The following STIMATE variants were observed in gnomAD, a reference collection of about 807,000 sequenced individuals.
STIMATE encodes STIM activating enhancer.
Under a neutral mutation model 36.7 loss-of-function variants are expected in STIMATE, and 15 were observed. The ratio of observed to expected loss-of-function variants is 0.41; its 90% CI spans 0.27 to 0.63. The LOEUF (loss-of-function observed/expected upper bound fraction) is 0.63. STIMATE is among the 20% of genes least tolerant of loss of function. The pLI is 0.32. For synonymous variants in STIMATE, 163 were observed against 162.3 expected, an observed-to-expected ratio of 1.00 and a Z score of -0.03; for missense variants, 305 against 397.3, an observed-to-expected ratio of 0.77 and a Z score of 1.98.
At chr3:52,891,918 A>G (rs1701788546) in intron 1 of STIMATE, among the ~76,000 whole-genome samples, 1 of 152,062 alleles carries the variant, frequency 6.6e-6, no homozygotes, top group African/African-American at 2.4e-5. Flanking sequence ...ATTCTTTCTC[A>G]TCTCCATAGC....
chr3:52,842,285 A>G (rs1294940651), intron 7 of STIMATE, among the ~76,000 whole-genome samples: 2 of 152,148 alleles, frequency 1.3e-5, no homozygotes, highest in African/African-American at 2.4e-5. Context: ...GCTGCTATTC[A>G]TGGCCACCGT....
intron 1 of STIMATE, among the ~76,000 whole-genome samples, chr3:52,871,096 C>T (rs1378678432): frequency 2.0e-5 from 3 of 152,204 alleles, no homozygotes; most frequent in Middle Eastern, 3.4e-3. Context: ...AATCAAGTAC[C>T]GCCACCTCCT....
chr3:52,843,611 G>A (rs946579316), intron 6 of STIMATE, 110 bp downstream of exon 6: 7 of 1,471,564 alleles, frequency 4.8e-6, no homozygotes, highest in African/African-American at 3.2e-5. Context: ...AAATGGTCAC[G>A]CAAAAAGACC....
chr3:52,844,827 A>G lies in STIMATE; in HGVS notation c.540+2T>C. ...AGCTGCTCATGCAGGGACGAAGCAAACCTTTTTCCACTGAAGTATTAGGAG... is the reference window on the plus strand; with the variant it reads ...AGCTGCTCATGCAGGGACGAAGCAAGCCTTTTTCCACTGAAGTATTAGGAG... On this transcript the variant is annotated splice_donor_variant, in intron 5 of 7. Coordinates refer to ENST00000355083, the MANE Select transcript of STIMATE (RefSeq NM_198563.5). LOFTEE classifies it high-confidence loss of function. 4 of 1,613,840 alleles carry G rather than the reference A, an allele frequency of 2.5e-6. No homozygotes were observed. Among genetic ancestry groups the G allele is most frequent in the Non-Finnish European group, 3.4e-6 (4 of 1,179,762 alleles).
intron 4 of STIMATE, chr3:52,847,262 T>C (rs891445232): frequency 5.2e-5 from 61 of 1,165,336 alleles, no homozygotes; most frequent in Non-Finnish European, 6.5e-5. Flanking sequence ...CATGTGGGTG[T>C]TTTGTTTGGG....
At chr3:52,874,477 C>T (rs1453664118) in intron 1 of STIMATE, among the ~76,000 whole-genome samples, 1 of 152,210 alleles carries the variant, frequency 6.6e-6, no homozygotes, top group East Asian at 1.9e-4. Context: ...AGAGGATGGA[C>T]TTACAGTGAA....
intron 1 of STIMATE, among the ~76,000 whole-genome samples, chr3:52,864,245 G>A (rs1457711992): frequency 3.3e-5 from 5 of 152,186 alleles, no homozygotes; most frequent in African/African-American, 4.8e-5. Context: ...AAATCTAGGC[G>A]GAGGTTCCCA....
At chr3:52,894,090 T>C (rs1277496184) in intron 1 of STIMATE, among the ~76,000 whole-genome samples, 1 of 151,922 alleles carries the variant, frequency 6.6e-6, no homozygotes, top group African/African-American at 2.4e-5. Context: ...AGGAATTGCT[T>C]AAAACCACCA....
intron 3 of STIMATE, among the ~76,000 whole-genome samples, chr3:52,852,192 G>A (rs1435033994): frequency 1.3e-5 from 2 of 152,214 alleles, no homozygotes; most frequent in African/African-American, 4.8e-5. Context: ...GGTCAATGAG[G>A]GTCAACAACA....
At chr3:52,852,773 T>A in intron 2 of STIMATE, 75 bp from the exon 3 acceptor site, 2 of 1,573,400 alleles carry the variant, frequency 1.3e-6, no homozygotes. Context: ...ACGAGAAGAC[T>A]GAAACAGGAA....
chr3:52,894,923 G>A (rs1378158698), intron 1 of STIMATE, among the ~76,000 whole-genome samples: 1 of 152,222 alleles, frequency 6.6e-6, no homozygotes, highest in Non-Finnish European at 1.5e-5. Context: ...TAAAATGTTT[G>A]AAGATAACAG....
intron 1 of STIMATE, among the ~76,000 whole-genome samples, chr3:52,883,170 G>A (rs1038712263): frequency 6.6e-6 from 1 of 152,188 alleles, no homozygotes; most frequent in East Asian, 1.9e-4. Flanking sequence ...CTTTCATCCA[G>A]TTTTTAAATC....
intron 1 of STIMATE, among the ~76,000 whole-genome samples, chr3:52,893,212 T>C (rs35651539): frequency 0.089 from 13,593 of 152,238 alleles, 770 homozygotes; most frequent in Non-Finnish European, 0.13. Flanking sequence ...GACTATGGAC[T>C]GGATATGAGA....
intron 1 of STIMATE, among the ~76,000 whole-genome samples, chr3:52,878,649 A>G (rs1019726996): frequency 6.6e-6 from 1 of 152,112 alleles, no homozygotes; most frequent in Admixed American, 6.5e-5. Flanking sequence ...TCGTGAGCCT[A>G]CCTAAATGCA....
At chr3:52,893,764 A>G (rs1349292694) in intron 1 of STIMATE, among the ~76,000 whole-genome samples, 1 of 152,248 alleles carries the variant, frequency 6.6e-6, no homozygotes, top group Non-Finnish European at 1.5e-5. Flanking sequence ...TCTATAACAA[A>G]AATAGGCAGG....
chr3:52,851,876 C>T (rs1578806496), intron 3 of STIMATE, among the ~76,000 whole-genome samples: 1 of 152,204 alleles, frequency 6.6e-6, no homozygotes, highest in South Asian at 2.1e-4. Flanking sequence ...ACTGGCTGGG[C>T]TCCATGACTC....
At chr3:52,885,659 G>A (rs1362809787) in intron 1 of STIMATE, among the ~76,000 whole-genome samples, 1 of 152,266 alleles carries the variant, frequency 6.6e-6, no homozygotes, top group Non-Finnish European at 1.5e-5. Context: ...AAGCTAAGGT[G>A]GAGAGCTTTC....
At chr3:52,857,471 G>A (rs918611478) in intron 1 of STIMATE, among the ~76,000 whole-genome samples, 5 of 152,106 alleles carry the variant, frequency 3.3e-5, no homozygotes, top group African/African-American at 1.2e-4. Flanking sequence ...TGGAGGGAAC[G>A]CCCCCAGTCA....
intron 1 of STIMATE, among the ~76,000 whole-genome samples, chr3:52,873,121 C>A (rs1056590311): frequency 6.6e-6 from 1 of 152,216 alleles, no homozygotes; most frequent in Admixed American, 6.5e-5. Flanking sequence ...AACCTCCCCC[C>A]ACCACCCTAA....
Sources: gnomAD v4.1 joint callset for allele counts (sites outside exome capture counted in the v4.1 genomes callset) on GRCh38, gnomAD v4.1.1 for gene constraint, MANE v1.5 for transcripts, NCBI Gene and HGNC (gene_info 2026-07-23, HGNC 2026-07-21) for gene names.